Variants in TNS2 observed in about 807,000 individuals in gnomAD.
TNS2 encodes tensin-2.
In TNS2, 77 loss-of-function variants were observed where a neutral mutation model predicts 155.7. The ratio of observed to expected loss-of-function variants is 0.49; its 90% CI spans 0.41 to 0.60. TNS2 has a LOEUF of 0.60. Ranked by LOEUF, TNS2 falls within the 20% of genes least tolerant of loss-of-function variation. The pLI, the probability that TNS2 is intolerant of heterozygous loss-of-function variation, is 0.00. For synonymous variants in TNS2, 726 were observed against 763.9 expected, an observed-to-expected ratio of 0.95 and a Z score of 0.82; for missense variants, 1,703 against 1,868.8, an observed-to-expected ratio of 0.91 and a Z score of 1.64.
rs1355923904 is a variant in TNS2, at chr12:53,050,951, G to A, written c.75+691G>A. ...CAGCAGGAGTCTGAACTCCAGAGGA[G>A]GGGGAATATGGGTAAAACAGAGAGA... On this transcript the variant is annotated intron_variant, in intron 1 of 28. Transcript: ENST00000314250. The surrounding 1 kb of genome is among the most constrained non-coding windows in gnomAD (Gnocchi z 4.7). Among the ~76,000 whole-genome samples, 2 of 152,144 alleles carry A rather than the reference G, an allele frequency of 1.3e-5. No individual in the cohort carries two copies. The highest frequency in any genetic ancestry group is 2.4e-5 in the African/African-American group (1 of 41,420).
At position 53,063,039 on chromosome 12, in the gene TNS2, G is replaced by C. The variant is rs1179616144; in HGVS notation, c.3824-50G>C. The C allele has an allele frequency of 6.6e-7, 1 of 1,504,484 alleles. No homozygotes were observed. Among genetic ancestry groups the C allele is most frequent in the Non-Finnish European group, 8.8e-7 (1 of 1,130,720 alleles). 93.2% of individuals were successfully genotyped at this position (1,504,484 alleles called of 1,614,324 possible). The stretch of plus-strand genomic sequence containing the variant: ...GGGGAATGTGCAAGAGCTGGTGGGG[G>C]TGGCTAGGGGATGGGCACTCCCTCC... On this transcript the variant is annotated intron_variant, in intron 25 of 28. Transcript: ENST00000314250. This position sits in a 1 kb window ranked among gnomAD's most constrained non-coding sequence, Gnocchi z 5.6.
Position 53,053,458 on chromosome 12 carries a change from G to A in TNS2, c.261+9G>A, listed in dbSNP as rs199865868. The A allele has an allele frequency of 1.5e-3, 2,473 of 1,613,996 alleles. 5 individuals are homozygous for A. Among genetic ancestry groups the A allele is most frequent in the Non-Finnish European group, 1.9e-3 (2,295 of 1,179,904 alleles). On this transcript the variant is annotated intron_variant, in intron 4 of 28. Coordinates refer to ENST00000314250, the MANE Select transcript of TNS2 (RefSeq NM_170754.4). ...TGCCTCCCGTGGAGTTGGTGAGTGCGCTCTGGGATGGGGTGGGGAGGGCAA... is the reference window on the plus strand; with the variant it reads ...TGCCTCCCGTGGAGTTGGTGAGTGCACTCTGGGATGGGGTGGGGAGGGCAA...
chr12:53,051,332 G>A (rs763693088), intron 1 of TNS2, among the ~76,000 whole-genome samples: 3 of 152,170 alleles, frequency 2.0e-5, no homozygotes, highest in Non-Finnish European at 4.4e-5. Context: ...TGTTCTGACC[G>A]TGGGGGAGGA....
In TNS2 at chr12:53,060,737, A is replaced by C. The variant is rs745981544; in HGVS notation, c.2831A>C (p.Glu944Ala). 1.4e-5 allele frequency: 22 copies of C among 1,608,796 alleles called. No homozygotes were observed. The Admixed American group carries it at 1.5e-4, about 11-fold the overall frequency. The change falls in exon 20 of 29, where the codon GAG becomes GCG. Residue 944 changes from glutamate (E) to alanine (A), a missense_variant. Physicochemically the swap from Glu to Ala is moderately radical, Grantham distance 107 (BLOSUM62 -1). Transcript: ENST00000314250. This position sits in a 1 kb window ranked among gnomAD's most constrained non-coding sequence, Gnocchi z 6.1. ...CCCACTCAGAGACTGAGTCCTGGCG[A>C]GGCCTTGCCCCCTGTTTCCCAGGCA... ...SAPTQRLSPG[E>A]ALPPVSQAGT...
intron 13 of TNS2, 84 bp downstream of exon 13, chr12:53,057,917 G>A: frequency 1.2e-6 from 2 of 1,609,376 alleles, no homozygotes; most frequent in South Asian, 1.1e-5. Context: ...AGCCTCCCTA[G>A]ACACCTGGGC....
intron 2 of TNS2, 46 bp downstream of exon 2, chr12:53,052,009 A>G (rs751416318): frequency 8.9e-6 from 13 of 1,467,592 alleles, no homozygotes; most frequent in Non-Finnish European, 1.2e-5. Flanking sequence ...ACCCAGTACC[A>G]CTGTGTTGCA....
At position 53,054,281 on chromosome 12, in the gene TNS2, T is replaced by C; in HGVS notation, c.362T>C (p.Leu121Pro). ...QRSTLPRSFS[L>P]DPLMERRWDL... ...CTCCTCCTCCCCAGGAGCTTCAGCC[T>C]GGACCCGCTCATGGAGCGGCGCTGG... Residue 121 changes from leucine to proline, a missense_variant, in exon 7 of 29, where the codon CTG (leucine) becomes CCG (proline). Physicochemically the swap from Leu to Pro is moderately conservative, Grantham distance 98. Transcript: ENST00000314250. 1 of 1,613,174 alleles carries C rather than the reference T, an allele frequency of 6.2e-7. No homozygotes were observed. Among genetic ancestry groups the C allele is most frequent in the Non-Finnish European group, 8.5e-7 (1 of 1,179,900 alleles).
At chr12:53,055,297 A>G in intron 8 of TNS2, 61 bp downstream of exon 8, 1 of 1,561,192 alleles carries the variant, frequency 6.4e-7, no homozygotes, top group Non-Finnish European at 8.8e-7. Context: ...AGAAGCCCCC[A>G]GCTTCCTCGT....
chr12:53,059,327 C>G lies in TNS2; in HGVS notation c.1686C>G (p.Ala562=), dbSNP rs1944286985. The G allele has an allele frequency of 6.9e-7, 1 of 1,443,752 alleles. No individual in the cohort carries two copies. Among genetic ancestry groups the G allele is most frequent in the African/African-American group, 1.5e-5 (1 of 67,972 alleles). The allele number at this position is 1,443,752 out of a possible 1,614,324, so 89.4% of individuals were successfully genotyped here. ...GCCGGGGAGCTGGGCGCGAGACGGCCATCCTAGATGACGAAGAGCAGCCCA... is the reference window on the plus strand; with the variant it reads ...GCCGGGGAGCTGGGCGCGAGACGGCGATCCTAGATGACGAAGAGCAGCCCA... ...SGGRGAGRET[A]ILDDEEQPTV... The change falls in exon 18 of 29, where the codon GCC becomes GCG. Residue 562 remains alanine, a synonymous_variant. Coordinates refer to ENST00000314250, the MANE Select transcript of TNS2 (RefSeq NM_170754.4). The surrounding 1 kb of genome is among the most constrained non-coding windows in gnomAD (Gnocchi z 4.7).
At position 53,059,277 on chromosome 12, in the gene TNS2, G is replaced by C. The variant is rs768489983; in HGVS notation, c.1636G>C (p.Gly546Arg). 1.3e-6 allele frequency: 2 copies of C among 1,489,988 alleles called. No homozygotes were observed. Among genetic ancestry groups the C allele is most frequent in the Non-Finnish European group, 1.8e-6 (2 of 1,123,768 alleles). The allele number at this position is 1,489,988 out of a possible 1,614,324, so 92.3% of individuals were successfully genotyped here. The change falls in exon 18 of 29, where the codon GGA becomes CGA. Residue 546 changes from glycine (G) to arginine (R), a missense_variant. Coordinates refer to ENST00000314250, the MANE Select transcript of TNS2 (RefSeq NM_170754.4). The surrounding 1 kb of genome is among the most constrained non-coding windows in gnomAD (Gnocchi z 4.7). Reference protein sequence around the residue: ...AERQELDRLLGGCGVASGGRG... With the variant: ...AERQELDRLLRGCGVASGGRG... ...ACGGCAGGAGCTGGATCGCCTCCTA[G>C]GAGGCTGCGGAGTGGCCAGTGGGGG...
upstream of TNS2, chr12:53,049,292 C>A (rs377099532): frequency 6.5e-7 from 1 of 1,545,074 alleles, no homozygotes; most frequent in Admixed American, 1.8e-5. Context: ...AGGGTGCAGC[C>A]CTTGGGTAGA....
Position 53,057,654 on chromosome 12 carries a change from G to C in TNS2, c.933G>C (p.Met311Ile), listed in dbSNP as rs1441672617. Residue 311 changes from methionine (M) to isoleucine (I), a missense_variant, in exon 12 of 29, where the codon ATG becomes ATC. Coordinates refer to ENST00000314250, the MANE Select transcript of TNS2 (RefSeq NM_170754.4). ...TCCTGCACTATGTGCTCATCCCCAT[G>C]CTGCCAGCCTTTGAACCTGGCACAG... Reference protein sequence around the residue: ...PLFLHYVLIPMLPAFEPGTGF... With the variant: ...PLFLHYVLIPILPAFEPGTGF... 1.3e-5 allele frequency: 21 copies of C among 1,614,124 alleles called. No individual in the cohort carries two copies. The highest frequency in any genetic ancestry group is 1.8e-5 in the Non-Finnish European group (21 of 1,179,986).
intron 8 of TNS2, 21 bp downstream of exon 8, chr12:53,055,257 C>G (rs963690542): frequency 6.2e-7 from 1 of 1,613,268 alleles, no homozygotes; most frequent in Non-Finnish European, 8.5e-7. Flanking sequence ...AATGGCCTGC[C>G]CAACCATTAA....
intron 14 of TNS2, 92 bp from the exon 15 acceptor site, chr12:53,058,224 G>A (rs986012461): frequency 3.7e-6 from 6 of 1,604,398 alleles, no homozygotes; most frequent in African/African-American, 2.7e-5. Context: ...TTGAGATCGA[G>A]GCAGGGCAGA....
At chr12:53,052,604 C>A in intron 3 of TNS2, 112 bp downstream of exon 3, 2 of 1,416,380 alleles carry the variant, frequency 1.4e-6, no homozygotes, top group East Asian at 2.3e-5. Context: ...CCCCTCTCAC[C>A]ACTGGGGAAC....
In TNS2 at chr12:53,059,088, T is replaced by C. The variant is rs749808556; in HGVS notation, c.1447T>C (p.Tyr483His). The change falls in exon 18 of 29, where the codon TAT becomes CAT. Residue 483 changes from tyrosine to histidine, a missense_variant. Transcript: ENST00000314250. This position sits in a 1 kb window ranked among gnomAD's most constrained non-coding sequence, Gnocchi z 4.7. The part of the protein sequence containing the change: ...HTRGPLDGSP[Y>H]AQVQRPPRQT... ...CCGGGGTCCCCTGGATGGCAGTCCT[T>C]ATGCCCAGGTGCAGCGGCCTCCCCG... 1.9e-6 allele frequency: 3 copies of C among 1,545,578 alleles called. No homozygotes were observed. The South Asian group carries it at 3.8e-5, about 20-fold the overall frequency.
intron 3 of TNS2, 80 bp downstream of exon 3, chr12:53,052,572 T>C: frequency 6.4e-7 from 1 of 1,571,966 alleles, no homozygotes; most frequent in Non-Finnish European, 8.7e-7. Context: ...GCAACCACAC[T>C]GGCATCAACC....
upstream of TNS2, chr12:53,049,964 C>A (rs1943864056): frequency 8.8e-7 from 1 of 1,132,738 alleles, no homozygotes; most frequent in East Asian, 2.7e-5. Context: ...CTCCTGGCCT[C>A]CCCCACATCC....
Position 53,057,589 on chromosome 12 carries a change from C to T in TNS2, c.868C>T (p.Leu290=). 3 of 1,613,086 alleles carry T rather than the reference C, an allele frequency of 1.9e-6. No individual in the cohort carries two copies. Among genetic ancestry groups the T allele is most frequent in the Non-Finnish European group, 2.5e-6 (3 of 1,179,310 alleles). Residue 290 remains leucine (L), a synonymous_variant, in exon 12 of 29, where the codon CTG becomes TTG. Coordinates refer to ENST00000314250, the MANE Select transcript of TNS2 (RefSeq NM_170754.4). ...QRRYISYFSG[L]LSGSIRMNSS... ...CAGATATATCAGCTACTTCAGTGGG[C>T]TGCTATCTGGCTCCATCAGAATGAA...
Sources: gnomAD v4.1 joint callset for allele counts (sites outside exome capture counted in the v4.1 genomes callset) on GRCh38, gnomAD v4.1.1 for gene constraint, Gnocchi (gnomAD v3.1) non-coding constraint, MANE v1.5 for transcripts, NCBI Gene and HGNC (gene_info 2026-07-23, HGNC 2026-07-21) for gene names.